The following SULT6B1 variants were observed in gnomAD, a reference collection of about 807,000 sequenced individuals.
The protein encoded by SULT6B1 is sulfotransferase family 6B member 1.
In SULT6B1, 44 loss-of-function variants were observed where a neutral mutation model predicts 37.2. The ratio of observed to expected loss-of-function variants is 1.18; its 90% confidence interval spans 0.93 to 1.52. The LOEUF is 1.52. Ranked by LOEUF, SULT6B1 falls within the 40% of genes most tolerant of loss-of-function variation. The pLI, the probability that SULT6B1 is intolerant of heterozygous loss-of-function variation, is 0.00. For synonymous variants in SULT6B1, 140 were observed against 126.0 expected (o/e 1.11, Z -0.74); for missense variants, 450 against 361.0 (o/e 1.25, Z -2.00).
At chr2:37,184,923 A>G (rs1482797945) in intron 2 of SULT6B1, among the ~76,000 whole-genome samples, 1 of 152,224 alleles carries the variant, frequency 6.6e-6, no homozygotes, top group African/African-American at 2.4e-5. Context: ...CTTTAAATCA[A>G]TGATATGGAT....
upstream of SULT6B1, among the ~76,000 whole-genome samples, chr2:37,193,411 G>T (rs797001016): frequency 7.2e-5 from 11 of 152,024 alleles, no homozygotes; most frequent in African/African-American, 2.7e-4. Flanking sequence ...GTAGTGAGCT[G>T]AGATCGTGCC....
intron 1 of SULT6B1, among the ~76,000 whole-genome samples, chr2:37,194,031 T>C (rs544724917): frequency 1.3e-5 from 2 of 152,360 alleles, no homozygotes; most frequent in South Asian, 2.1e-4. Flanking sequence ...TATATTTTCC[T>C]GCAGAAATCA....
intron 3 of SULT6B1, among the ~76,000 whole-genome samples, chr2:37,180,225 G>A (rs1676521378): frequency 6.6e-6 from 1 of 152,224 alleles, no homozygotes; most frequent in South Asian, 2.1e-4. Context: ...TGAGGAAACT[G>A]GAGGACACAT....
At chr2:37,193,142 C>A (rs1458783231), upstream of SULT6B1, among the ~76,000 whole-genome samples, 2 of 152,108 alleles carry the variant, frequency 1.3e-5, no homozygotes, top group Non-Finnish European at 2.9e-5. Flanking sequence ...CCAGAGGCAG[C>A]TGCATGGGAG....
chr2:37,183,721 G>T (rs4670672), intron 2 of SULT6B1, among the ~76,000 whole-genome samples: 1 of 151,880 alleles, frequency 6.6e-6, no homozygotes, highest in African/African-American at 2.4e-5. Context: ...TCAGCTCACC[G>T]CAACCTCTGC....
chr2:37,190,432 A>T (rs747193468), upstream of SULT6B1, among the ~76,000 whole-genome samples: 8 of 152,210 alleles, frequency 5.3e-5, no homozygotes, highest in Non-Finnish European at 1.2e-4. Flanking sequence ...AGGGTAGCTA[A>T]CATTATTGAG....
chr2:37,187,277 G>A, intron 2 of SULT6B1, 78 bp downstream of exon 2: 1 of 997,622 alleles, frequency 1.0e-6, no homozygotes, highest in Non-Finnish European at 1.6e-6. Context: ...TTTCTAAACT[G>A]AAAACTAAAG....
chr2:37,180,274 A>C (rs559116284), intron 3 of SULT6B1, among the ~76,000 whole-genome samples: 1 of 152,370 alleles, frequency 6.6e-6, no homozygotes, highest in South Asian at 2.1e-4. Context: ...ATCTGAAAAC[A>C]TGTGAGGCCA....
chr2:37,177,339 G>A (rs372004830), intron 4 of SULT6B1, among the ~76,000 whole-genome samples: 9 of 143,798 alleles, frequency 6.3e-5, no homozygotes, highest in African/African-American at 1.0e-4. Flanking sequence ...GACCACGTGA[G>A]CCCAGAAGGT....
chr2:37,183,296 C>T, intron 3 of SULT6B1, 129 bp downstream of exon 3: 1 of 725,532 alleles, frequency 1.4e-6, no homozygotes, highest in South Asian at 2.2e-5. Flanking sequence ...GAAACAAAAA[C>T]AAAAAAACTA....
intron 4 of SULT6B1, among the ~76,000 whole-genome samples, chr2:37,176,187 G>A (rs769865748): frequency 1.1e-4 from 16 of 149,856 alleles, no homozygotes; most frequent in Non-Finnish European, 1.8e-4. Flanking sequence ...AAAATGGGGC[G>A]TTATGAGGTT....
chr2:37,194,879 C>CCCTCCCTCCCTTCCTTCCTTCCTTCCTT (rs1558455698), intron 1 of SULT6B1: 1 of 39,918 alleles, frequency 2.5e-5, no homozygotes. Context: ...CTCCCTCCCT[C>CCCTCCCTCCCTTCCTTCCTTCCTTCCTT]CCTTCCTTCC....
intron 3 of SULT6B1, 135 bp from the exon 4 acceptor site, chr2:37,179,719 G>A: frequency 1.4e-6 from 1 of 737,494 alleles, no homozygotes. Flanking sequence ...AATGACAGTA[G>A]GAAACTGAGG....
At chr2:37,186,433 A>G (rs1676675338) in intron 2 of SULT6B1, among the ~76,000 whole-genome samples, 1 of 152,036 alleles carries the variant, frequency 6.6e-6, no homozygotes, top group Non-Finnish European at 1.5e-5. Context: ...AGAACATCCT[A>G]TCTCACATCC....
At position 37,177,733 on chromosome 2, in the gene SULT6B1, C is replaced by G. The variant is rs546452089; in HGVS notation, c.529+1725G>C. On this transcript the variant is annotated intron_variant, in intron 4 of 6. Transcript: ENST00000535679. ...TTAGGTGCTCTTACTAAACACAAAACAGGTAATTGTGTGACATGATAGATA... is the reference window on the plus strand; with the variant it reads ...TTAGGTGCTCTTACTAAACACAAAAGAGGTAATTGTGTGACATGATAGATA... Among the ~76,000 whole-genome samples, 61 of 152,256 alleles carry G rather than the reference C, an allele frequency of 4.0e-4. No individual in the cohort carries two copies. In the South Asian group the frequency reaches 0.012, roughly 31 times the overall value.
chr2:37,173,105 G>A (rs1032974353), intron 5 of SULT6B1, among the ~76,000 whole-genome samples: 17 of 151,610 alleles, frequency 1.1e-4, no homozygotes, highest in Admixed American at 9.9e-4. Flanking sequence ...CACCTGCCTC[G>A]GCCTCTCAAA....
At position 37,167,848 on chromosome 2, in the gene SULT6B1, T is replaced by G; in HGVS notation, c.*87A>C. 1 of 1,146,174 alleles carries G rather than the reference T, an allele frequency of 8.7e-7. No homozygotes were observed. The allele number at this position is 1,146,174 out of a possible 1,614,324, so 71.0% of individuals were successfully genotyped here. On this transcript the variant is annotated 3_prime_UTR_variant, in exon 7 of 7. Coordinates refer to ENST00000535679, the MANE Select transcript of SULT6B1 (RefSeq NM_001367551.1). ...GATTTCAATATTGTTTAATTATTAT[T>G]TGATTATTTGATTGAATTATCATTT...
chr2:37,192,598 A>G (rs907229516), upstream of SULT6B1, among the ~76,000 whole-genome samples: 3 of 152,242 alleles, frequency 2.0e-5, no homozygotes, highest in Admixed American at 1.3e-4. Flanking sequence ...CTCCCCAAAA[A>G]TAAAAGAGGA....
intron 4 of SULT6B1, among the ~76,000 whole-genome samples, chr2:37,178,586 C>T (rs775217533): frequency 1.3e-4 from 19 of 150,618 alleles, no homozygotes; most frequent in Non-Finnish European, 2.2e-4. Context: ...CTAATACCAC[C>T]TTACTCATAG....
Sources: allele counts gnomAD v4.1 joint callset (sites outside exome capture counted in the v4.1 genomes callset), GRCh38; gene constraint gnomAD v4.1.1; transcripts MANE v1.5; gene names NCBI Gene and HGNC (gene_info 2026-07-23, HGNC 2026-07-21).